CCDC92: variants seen among roughly 807,000 people sequenced by gnomAD.
CCDC92 encodes the protein coiled-coil domain-containing protein 92.
A neutral mutation model predicts 24.9 loss-of-function variants in CCDC92; 12 were observed. The observed-to-expected ratio is 0.48, with a 90% CI of 0.31 to 0.78. CCDC92 has a LOEUF of 0.78. Ranked by LOEUF, CCDC92 falls within the 30% of genes least tolerant of loss-of-function variation. The probability of loss-of-function intolerance (pLI) is 0.05; values close to 1 mark genes in which losing one functional copy is unlikely to be tolerated. For synonymous variants in CCDC92, 193 were observed against 196.3 expected (o/e 0.98, Z 0.14); for missense variants, 399 against 439.4 (o/e 0.91, Z 0.82).
At chr12:123,954,620 C>T (rs1011472869) in intron 1 of CCDC92, among the ~76,000 whole-genome samples, 9 of 152,328 alleles carry the variant, frequency 5.9e-5, no homozygotes, top group African/African-American at 1.4e-4. Context: ...AACCATGTCA[C>T]GGGTCTGTAC....
At chr12:123,961,009 C>T (rs996282787) in intron 1 of CCDC92, 3 of 152,236 alleles carry the variant, frequency 2.0e-5, no homozygotes, top group South Asian at 2.1e-4. Flanking sequence ...TTCTAAAGTG[C>T]TCACTGTGTA....
chr12:123,960,340 G>A (rs1463791837), intron 1 of CCDC92, among the ~76,000 whole-genome samples: 2 of 152,148 alleles, frequency 1.3e-5, no homozygotes, highest in Non-Finnish European at 2.9e-5. Flanking sequence ...TCTGATTGCC[G>A]TAATGGGAAA....
intron 1 of CCDC92, chr12:123,961,359 A>C (rs1342165211): frequency 2.6e-5 from 4 of 152,256 alleles, no homozygotes; most frequent in African/African-American, 9.6e-5. Context: ...AGAGGTTGGA[A>C]TTAAACTGAG....
chr12:123,938,940 C>CGTTT (rs1955605646), intron 4 of CCDC92, among the ~76,000 whole-genome samples: 1 of 152,220 alleles, frequency 6.6e-6, no homozygotes, highest in East Asian at 1.9e-4. Context: ...CTCTGGTCTT[C>CGTTT]GTTTCAGCCC....
At chr12:123,946,400 A>G (rs1176243582) in intron 1 of CCDC92, 1 of 152,382 alleles carries the variant, frequency 6.6e-6, no homozygotes, top group African/African-American at 2.4e-5. Flanking sequence ...CACTCTTCTT[A>G]GGCCTCTCTC....
At chr12:123,938,205 G>C (rs1270143551) in intron 4 of CCDC92, among the ~76,000 whole-genome samples, 1 of 152,190 alleles carries the variant, frequency 6.6e-6, no homozygotes, top group Non-Finnish European at 1.5e-5. Context: ...TACATTCAAA[G>C]TACTGTTTTG....
chr12:123,947,686 C>G (rs543682496), intron 1 of CCDC92, among the ~76,000 whole-genome samples: 38 of 152,204 alleles, frequency 2.5e-4, no homozygotes, highest in Admixed American at 7.8e-4. Context: ...GGATTGTAAA[C>G]ACACCAATCA....
In CCDC92 at chr12:123,943,496, G is replaced by C; in HGVS notation, c.35-3C>G. On this transcript the variant is annotated splice_region_variant and splice_polypyrimidine_tract_variant and intron_variant, in intron 2 of 4. Transcript: ENST00000238156. ...TGCCATGCTGACATCCAGAGGACCT[G>C]TGGGTAACACAGACCCTGGCTGCGG... is the stretch of plus-strand genomic sequence containing the variant. The C allele has an allele frequency of 6.2e-7, 1 of 1,614,096 alleles. No individual in the cohort carries two copies. The highest frequency in any genetic ancestry group is 8.5e-7 in the Non-Finnish European group (1 of 1,180,028).
intron 1 of CCDC92, chr12:123,962,508 G>A (rs188767065): frequency 3.8e-4 from 58 of 152,582 alleles, no homozygotes; most frequent in African/African-American, 1.2e-3. Flanking sequence ...GCTGGATAAG[G>A]GGCTTGGGGT....
chr12:123,954,530 C>T (rs543682466), intron 1 of CCDC92, among the ~76,000 whole-genome samples: 2 of 152,300 alleles, frequency 1.3e-5, no homozygotes, highest in East Asian at 3.9e-4. Context: ...TGGAGGCCTA[C>T]ATGATGGACT....
chr12:123,944,105 G>A, intron 2 of CCDC92, 167 bp downstream of exon 2: 2 of 581,724 alleles, frequency 3.4e-6, no homozygotes, highest in South Asian at 4.3e-5. Context: ...GAAGCCCCCT[G>A]CACTTCACAG....
At chr12:123,953,489 T>C (rs1956076753) in intron 1 of CCDC92, among the ~76,000 whole-genome samples, 1 of 152,200 alleles carries the variant, frequency 6.6e-6, no homozygotes, top group Non-Finnish European at 1.5e-5. Context: ...TGTTAAAACA[T>C]TTGTCTCAGC....
chr12:123,951,498 GGTGGTA>G (rs1956024935), intron 1 of CCDC92, among the ~76,000 whole-genome samples: 2 of 152,228 alleles, frequency 1.3e-5, no homozygotes, highest in African/African-American at 4.8e-5. Context: ...CTAGCACTCA[GGTGGTA>G]GCTGTGAATG....
chr12:123,968,967 T>C (rs1956456808), intron 1 of CCDC92, among the ~76,000 whole-genome samples: 1 of 152,252 alleles, frequency 6.6e-6, no homozygotes, highest in Non-Finnish European at 1.5e-5. Context: ...ATCGGCCTCA[T>C]TACTGACTTG....
At chr12:123,967,769 G>A (rs1321329104) in intron 1 of CCDC92, among the ~76,000 whole-genome samples, 1 of 152,206 alleles carries the variant, frequency 6.6e-6, no homozygotes, top group African/African-American at 2.4e-5. Flanking sequence ...AGACAGTATT[G>A]TAATAATATT....
intron 1 of CCDC92, among the ~76,000 whole-genome samples, chr12:123,955,613 G>C (rs534853415): frequency 6.6e-6 from 1 of 152,272 alleles, no homozygotes; most frequent in East Asian, 1.9e-4. Context: ...AGGTTTTAAG[G>C]AAAGAAAGGT....
chr12:123,957,305 A>G (rs1566169886), intron 1 of CCDC92, among the ~76,000 whole-genome samples: 1 of 152,196 alleles, frequency 6.6e-6, no homozygotes, highest in Non-Finnish European at 1.5e-5. Context: ...AGGAGCCTGG[A>G]GAGTTTGACT....
Position 123,937,249 on chromosome 12 carries a change from C to T in CCDC92, c.805G>A (p.Ala269Thr), listed in dbSNP as rs367836688. Residue 269 changes from alanine to threonine, a missense_variant, in exon 5 of 5, where the codon GCC becomes ACC. Physicochemically the swap from Ala to Thr is moderately conservative, Grantham distance 58 (BLOSUM62 0). Coordinates refer to ENST00000238156, the MANE Select transcript of CCDC92 (RefSeq NM_025140.3). The surrounding 1 kb of genome is among the most constrained non-coding windows in gnomAD (Gnocchi z 8.4). ...TGCTGCTCGCCGCTTCGGTCGGAGG[C>T]GATGGGGGGGATGACGAGGGGCCTC... ...KERPLVIPPI[A>T]SDRSGEQHSP... 2.8e-4 allele frequency: 444 copies of T among 1,610,874 alleles called. No individual in the cohort carries two copies. The highest frequency in any genetic ancestry group is 2.0e-3 in the Middle Eastern group (12 of 6,082).
chr12:123,967,509 G>T (rs889342034), intron 1 of CCDC92, among the ~76,000 whole-genome samples: 1 of 152,314 alleles, frequency 6.6e-6, no homozygotes, highest in East Asian at 1.9e-4. Flanking sequence ...GTTGATGTGT[G>T]TGACAGCCGA....
Sources: gnomAD v4.1 joint callset for allele counts (sites outside exome capture counted in the v4.1 genomes callset) on GRCh38, gnomAD v4.1.1 for gene constraint, Gnocchi (gnomAD v3.1) non-coding constraint, MANE v1.5 for transcripts, NCBI Gene and HGNC (gene_info 2026-07-23, HGNC 2026-07-21) for gene names.